OR11G2: variants seen among roughly 807,000 people sequenced by gnomAD.
The protein encoded by OR11G2 is olfactory receptor family 11 subfamily G member 2.
Under a neutral mutation model 0.9 loss-of-function variants are expected in OR11G2, and 2 were observed. The ratio of observed to expected loss-of-function variants is 2.35; its 90% CI spans 0.96 to 7.38. OR11G2 has a LOEUF of 7.38. OR11G2 is among the 30% of genes most tolerant of loss of function. OR11G2 has a pLI of 0.05. For missense variants in OR11G2, 395 were observed against 371.3 expected (o/e 1.06, Z -0.52); for synonymous variants, 153 against 142.0 (o/e 1.08, Z -0.55).
chr14:20,198,428 T>TAA lies in OR11G2; in HGVS notation c.*64_*65dup. Reference sequence around the variant, plus strand: ...TAATCTTGTCTTTAATTTTGGGGTTTAAAAAAAAAACTGGTCTTGGCCAGG... The same window carrying TAA: ...TAATCTTGTCTTTAATTTTGGGGTTTAAAAAAAAAAAACTGGTCTTGGCCAGG... On this transcript the variant is annotated 3_prime_UTR_variant, in exon 2 of 2. Coordinates refer to ENST00000641879, the MANE Select transcript of OR11G2 (RefSeq NM_001386033.1). The TAA allele has an allele frequency of 1.4e-5, 16 of 1,176,718 alleles. No homozygotes were observed. The highest frequency in any genetic ancestry group is 3.5e-5 in the South Asian group (2 of 56,604). The allele number at this position is 1,176,718 out of a possible 1,614,324, so 72.9% of individuals were successfully genotyped here. A position where few individuals can be genotyped will look rare whatever the true frequency, so the allele number is the denominator to read the frequency against.
intron 1 of OR11G2, among the ~76,000 whole-genome samples, chr14:20,195,384 T>C (rs936467528): frequency 6.6e-6 from 1 of 152,006 alleles, no homozygotes; most frequent in Non-Finnish European, 1.5e-5. Flanking sequence ...ATACTAAACA[T>C]ACAAAAATTA....
intron 1 of OR11G2, among the ~76,000 whole-genome samples, chr14:20,194,569 G>A (rs543831341): frequency 6.6e-5 from 10 of 152,046 alleles, no homozygotes. Flanking sequence ...AAAATTTTAG[G>A]AACACTAGCA....
At position 20,197,956 on chromosome 14, in the gene OR11G2, T is replaced by C. The variant is rs763901894; in HGVS notation, c.519T>C (p.Cys173=). The change falls in exon 2 of 2, where the codon TGT becomes TGC. Residue 173 remains cysteine (C), a synonymous_variant. Transcript: ENST00000641879. ...TCAACATCTCCCAAATGTCCTTCTG[T>C]GGATCTAGGATTATTGACCACTTCC... ...PIVNISQMSF[C]GSRIIDHFLC... is the part of the protein sequence containing the mutation. 1 of 1,614,172 alleles carries C rather than the reference T, an allele frequency of 6.2e-7. No individual in the cohort carries two copies. Among genetic ancestry groups the C allele is most frequent in the Non-Finnish European group, 8.5e-7 (1 of 1,180,020 alleles).
chr14:20,199,067 G>A lies in OR11G2; in HGVS notation c.*694G>A, dbSNP rs1021580079. ...CTCTTAGGGTGTGGCTCTTACTGCA[G>A]GAACATAGCCTTTCTGAGACCTCAG... On this transcript the variant is annotated 3_prime_UTR_variant, in exon 2 of 2. Coordinates refer to ENST00000641879, the MANE Select transcript of OR11G2 (RefSeq NM_001386033.1). The A allele has an allele frequency of 1.3e-5, 2 of 152,196 alleles. No individual in the cohort carries two copies. Among genetic ancestry groups the A allele is most frequent in the Non-Finnish European group, 2.9e-5 (2 of 68,058 alleles). The allele number at this position is 152,196 out of a possible 1,614,324, so 9.4% of individuals were successfully genotyped here.
rs1488321676 is a variant in OR11G2, at chr14:20,192,288, T to A, written c.-5+622T>A. On this transcript the variant is annotated intron_variant, in intron 1 of 1. Transcript: ENST00000641879. Reference sequence around the variant, plus strand: ...ATGTATACATGTGGGATACTTGGAATAATAGTATTTCATAATGAAAAGGAA... The same window carrying A: ...ATGTATACATGTGGGATACTTGGAAAAATAGTATTTCATAATGAAAAGGAA... Among the ~76,000 whole-genome samples the A allele has an allele frequency of 6.6e-5, 10 of 152,318 alleles. No homozygotes were observed. In the East Asian group the frequency reaches 1.3e-3, roughly 21 times the overall value.
rs192072455 is a variant in OR11G2 at position 20,196,303 on chromosome 14, G to A, written c.-4-1131G>A. On this transcript the variant is annotated intron_variant, in intron 1 of 1. Coordinates refer to ENST00000641879, the MANE Select transcript of OR11G2 (RefSeq NM_001386033.1). ...TCTTATGCCAAAGTGGCATGTTTAG[G>A]GGCAGCAGATTCTGCTACCTTAAAA... Among the ~76,000 whole-genome samples, 111 of 152,258 alleles carry A rather than the reference G, an allele frequency of 7.3e-4. No homozygotes were observed. In the Middle Eastern group the frequency reaches 0.017, roughly 23 times the overall value.
chr14:20,197,230 C>T (rs1879770005), intron 1 of OR11G2: 1 of 692,338 alleles, frequency 1.4e-6, no homozygotes, highest in Admixed American at 3.4e-5. Flanking sequence ...TGAACGCGAG[C>T]AAAGAATCAA....
Position 20,199,592 on chromosome 14 carries a change from A to T in OR11G2, c.*1219A>T, listed in dbSNP as rs966990566. ...GTGCCTTCAAATGGTTGTTTTATGT[A>T]TTTTGTCCAGATTTTACTGTTGATA... On this transcript the variant is annotated 3_prime_UTR_variant, in exon 2 of 2. Coordinates refer to ENST00000641879, the MANE Select transcript of OR11G2 (RefSeq NM_001386033.1). 6.6e-6 allele frequency: 1 copy of T among 152,074 alleles called. No individual in the cohort carries two copies. 9.4% of individuals were successfully genotyped at this position (152,074 alleles called of 1,614,324 possible).
chr14:20,198,969 G>A lies in OR11G2; in HGVS notation c.*596G>A, dbSNP rs901760156. ...GTTCTAGCAAGTAGATGGAGTAGAG[G>A]CAGATCACATTGATTCTATTTAAGC... On this transcript the variant is annotated 3_prime_UTR_variant, in exon 2 of 2. Coordinates refer to ENST00000641879, the MANE Select transcript of OR11G2 (RefSeq NM_001386033.1). The A allele has an allele frequency of 3.0e-4, 45 of 152,214 alleles. No homozygotes were observed. Among genetic ancestry groups the A allele is most frequent in the African/African-American group, 8.2e-4 (34 of 41,426 alleles). The allele number at this position is 152,214 out of a possible 1,614,324, so 9.4% of individuals were successfully genotyped here. A position where few individuals can be genotyped will look rare whatever the true frequency, so the allele number is the denominator to read the frequency against.
At position 20,199,581 on chromosome 14, in the gene OR11G2, T is replaced by A. The variant is rs1180556725; in HGVS notation, c.*1208T>A. 6.6e-6 allele frequency: 1 copy of A among 152,214 alleles called. No individual in the cohort carries two copies. The highest frequency in any genetic ancestry group is 1.5e-5 in the Non-Finnish European group (1 of 68,034). The allele number at this position is 152,214 out of a possible 1,614,324, so 9.4% of individuals were successfully genotyped here. A position where few individuals can be genotyped will look rare whatever the true frequency, so the allele number is the denominator to read the frequency against. On this transcript the variant is annotated 3_prime_UTR_variant, in exon 2 of 2. Coordinates refer to ENST00000641879, the MANE Select transcript of OR11G2 (RefSeq NM_001386033.1). Reference sequence around the variant, plus strand: ...AGTTGCTCTGAGTGCCTTCAAATGGTTGTTTTATGTATTTTGTCCAGATTT... The same window carrying A: ...AGTTGCTCTGAGTGCCTTCAAATGGATGTTTTATGTATTTTGTCCAGATTT...
At chr14:20,192,805 G>C (rs1006433485) in intron 1 of OR11G2, among the ~76,000 whole-genome samples, 1 of 152,174 alleles carries the variant, frequency 6.6e-6, no homozygotes, top group African/African-American at 2.4e-5. Context: ...TGGCGATAAA[G>C]AGTGAACTTG....
rs1362457212 is a variant in OR11G2 at position 20,199,860 on chromosome 14, C to A, written c.*1487C>A. On this transcript the variant is annotated 3_prime_UTR_variant, in exon 2 of 2. Coordinates refer to ENST00000641879, the MANE Select transcript of OR11G2 (RefSeq NM_001386033.1). ...CAGCAAAGAATCCCTGAGGACTCTT[C>A]CCCTGCAGGAAGCAGGGGAAAGGTT... The A allele has an allele frequency of 6.6e-6, 1 of 152,024 alleles. No individual in the cohort carries two copies. Among genetic ancestry groups the A allele is most frequent in the Non-Finnish European group, 1.5e-5 (1 of 68,020 alleles). 9.4% of individuals were successfully genotyped at this position (152,024 alleles called of 1,614,324 possible).
chr14:20,195,765 T>C (rs1340271244), intron 1 of OR11G2, among the ~76,000 whole-genome samples: 1 of 152,202 alleles, frequency 6.6e-6, no homozygotes, highest in East Asian at 1.9e-4. Context: ...GAAAAAATTT[T>C]TTTTCTCCTA....
Position 20,197,691 on chromosome 14 carries a change from T to C in OR11G2, c.254T>C (p.Met85Thr). 1.9e-6 allele frequency: 3 copies of C among 1,613,968 alleles called. No homozygotes were observed. Among genetic ancestry groups the C allele is most frequent in the South Asian group, 1.1e-5 (1 of 91,060 alleles). ...ICYVTSTVPS[M>T]LANFLSDTKI... ...TATGTCACCTCCACAGTCCCCAGCA[T>C]GCTGGCCAACTTCCTCTCTGACACC... is the stretch of plus-strand genomic sequence containing the variant. Residue 85 changes from methionine (M) to threonine (T), a missense_variant, in exon 2 of 2, where the codon ATG becomes ACG. Physicochemically the swap from Met to Thr is moderately conservative, Grantham distance 81. Transcript: ENST00000641879.
rs569726837 is a variant in OR11G2 at position 20,198,678 on chromosome 14, G to A, written c.*305G>A. On this transcript the variant is annotated 3_prime_UTR_variant, in exon 2 of 2. Transcript: ENST00000641879. ...CGGGAGGCGGAGCTTGCAGTGAGCC[G>A]AGATCGCGCCACTGCACTCAAGCCT... 5.7e-4 allele frequency: 96 copies of A among 169,850 alleles called. 1 individual carries two copies. The highest frequency in any genetic ancestry group is 1.0e-3 in the Non-Finnish European group (83 of 79,116). 10.5% of individuals were successfully genotyped at this position (169,850 alleles called of 1,614,324 possible).
rs2139116187 is a variant in OR11G2 at position 20,198,348 on chromosome 14, C to T, written c.911C>T (p.Ala304Val). The T allele has an allele frequency of 6.4e-7, 1 of 1,565,022 alleles. No individual in the cohort carries two copies. The highest frequency in any genetic ancestry group is 8.6e-7 in the Non-Finnish European group (1 of 1,160,470). Reference sequence around the variant, plus strand: ...CTTAGGAACAAAGATATGAGAAAAGCTCTGAAGAAATTTTGGGGAACATAA... The same window carrying T: ...CTTAGGAACAAAGATATGAGAAAAGTTCTGAAGAAATTTTGGGGAACATAA... The part of the protein sequence containing the change: ...YSLRNKDMRK[A>V]LKKFWGT The change falls in exon 2 of 2, where the codon GCT becomes GTT. Residue 304 changes from alanine to valine, a missense_variant. By Grantham distance (64) the Ala-to-Val change is moderately conservative. Coordinates refer to ENST00000641879, the MANE Select transcript of OR11G2 (RefSeq NM_001386033.1).
chr14:20,191,077 C>A lies in OR11G2; in HGVS notation c.-594C>A, dbSNP rs1175720959. ...CTTTTGTCCATGAAAGGAGATGATG[C>A]AATGGACAAAGTTTCCAGGATTGGT... On this transcript the variant is annotated 5_prime_UTR_variant, in exon 1 of 2. Transcript: ENST00000641879. 6.6e-6 allele frequency: 1 copy of A among 152,192 alleles called. No homozygotes were observed. The highest frequency in any genetic ancestry group is 1.5e-5 in the Non-Finnish European group (1 of 68,046). 9.4% of individuals were successfully genotyped at this position (152,192 alleles called of 1,614,324 possible).
At position 20,198,065 on chromosome 14, in the gene OR11G2, C is replaced by A. The variant is rs1360940218; in HGVS notation, c.628C>A (p.Pro210Thr). 1 of 1,614,128 alleles carries A rather than the reference C, an allele frequency of 6.2e-7. No individual in the cohort carries two copies. The highest frequency in any genetic ancestry group is 1.3e-5 in the African/African-American group (1 of 75,034). The change falls in exon 2 of 2, where the codon CCT becomes ACT. Residue 210 changes from proline (P) to threonine (T), a missense_variant. Coordinates refer to ENST00000641879, the MANE Select transcript of OR11G2 (RefSeq NM_001386033.1). ...TGTCTTTTCTGTCTTAAGTCCTCTG[C>A]CTGTCTTTATGCTCTTTCTCTTCAT... The part of the protein sequence containing the change: ...ELVFSVLSPL[P>T]VFMLFLFIVG...
Position 20,198,556 on chromosome 14 carries a change from G to A in OR11G2, c.*183G>A. On this transcript the variant is annotated 3_prime_UTR_variant, in exon 2 of 2. Coordinates refer to ENST00000641879, the MANE Select transcript of OR11G2 (RefSeq NM_001386033.1). ...ACCCTGGCTAACACGGTGAAACCCT[G>A]TCTCTACTAAAAAATACAAAAAATT... is the stretch of plus-strand genomic sequence containing the variant. 2.4e-6 allele frequency: 1 copy of A among 417,936 alleles called. No homozygotes were observed. The highest frequency in any genetic ancestry group is 6.9e-4 in the Middle Eastern group (1 of 1,452). 25.9% of individuals were successfully genotyped at this position (417,936 alleles called of 1,614,324 possible). A position where few individuals can be genotyped will look rare whatever the true frequency, so the allele number is the denominator to read the frequency against.
Sources: gnomAD v4.1 joint callset for allele counts (sites outside exome capture counted in the v4.1 genomes callset) on GRCh38, gnomAD v4.1.1 for gene constraint, MANE v1.5 for transcripts, NCBI Gene and HGNC (gene_info 2026-07-23, HGNC 2026-07-21) for gene names.